PLPP4: variants seen among roughly 807,000 people sequenced by gnomAD.
The protein encoded by PLPP4 is phospholipid phosphatase 4.
In PLPP4, 20 loss-of-function variants were observed where a neutral mutation model predicts 32.2. That is an observed-to-expected ratio of 0.62 (90% CI 0.44 to 0.90). The LOEUF is 0.90. Among genes scored for constraint, PLPP4 ranks in the 40% least tolerant of loss-of-function variants. The pLI, the probability that PLPP4 is intolerant of heterozygous loss-of-function variation, is 0.00. For missense variants in PLPP4, 257 were observed against 353.1 expected (o/e 0.73, Z 2.18); for synonymous variants, 127 against 133.0 (o/e 0.95, Z 0.31).
intron 5 of PLPP4, among the ~76,000 whole-genome samples, chr10:120,535,457 T>C (rs1399830373): frequency 6.6e-6 from 1 of 152,166 alleles, no homozygotes; most frequent in Admixed American, 6.5e-5. Context: ...ATTCCATGTG[T>C]CAATTACTTA....
intron 1 of PLPP4, among the ~76,000 whole-genome samples, chr10:120,472,370 G>T (rs182724843): frequency 1.3e-5 from 2 of 151,858 alleles, no homozygotes; most frequent in African/African-American, 2.4e-5. Context: ...TAGAATTTTC[G>T]GTTGACAGTC....
chr10:120,576,726 G>T (rs755938), intron 6 of PLPP4, among the ~76,000 whole-genome samples: 2,576 of 152,272 alleles, frequency 0.017, 82 homozygotes, highest in African/African-American at 0.06. Flanking sequence ...GTCAGAAGAG[G>T]GTCACAGGTC....
chr10:120,510,158 A>G (rs1417603649), intron 2 of PLPP4, among the ~76,000 whole-genome samples: 1 of 152,200 alleles, frequency 6.6e-6, no homozygotes, highest in Non-Finnish European at 1.5e-5. Flanking sequence ...AGTTCTCAGT[A>G]CACGTTAGCC....
intron 3 of PLPP4, among the ~76,000 whole-genome samples, chr10:120,514,730 A>G (rs1472628801): frequency 1.3e-5 from 2 of 152,208 alleles, no homozygotes; most frequent in Admixed American, 1.3e-4. Flanking sequence ...TTTAGCAAAC[A>G]AAATAAACTA....
At chr10:120,579,023 G>C in intron 6 of PLPP4, among the ~76,000 whole-genome samples, 1 of 152,154 alleles carries the variant, frequency 6.6e-6, no homozygotes, top group Non-Finnish European at 1.5e-5. Context: ...ACTGACTCCT[G>C]CCTCTATTCA....
chr10:120,573,667 C>A (rs1409206349), intron 5 of PLPP4, among the ~76,000 whole-genome samples: 1 of 152,178 alleles, frequency 6.6e-6, no homozygotes, highest in Admixed American at 6.5e-5. Flanking sequence ...AGAAAATCTT[C>A]TAGATTTCCC....
At chr10:120,546,268 G>C (rs1162863206) in intron 5 of PLPP4, among the ~76,000 whole-genome samples, 1 of 152,046 alleles carries the variant, frequency 6.6e-6, no homozygotes, top group East Asian at 1.9e-4. Flanking sequence ...AGAGAACCCT[G>C]ACTCACACAA....
At chr10:120,584,359 A>G (rs1457880439) in intron 6 of PLPP4, among the ~76,000 whole-genome samples, 1 of 152,098 alleles carries the variant, frequency 6.6e-6, no homozygotes, top group Non-Finnish European at 1.5e-5. Context: ...TACGGCTGTC[A>G]TTGTTTAGTG....
chr10:120,534,385 C>A (rs2133944259), intron 5 of PLPP4, among the ~76,000 whole-genome samples: 2 of 152,134 alleles, frequency 1.3e-5, no homozygotes. Flanking sequence ...CCTTCTTTGG[C>A]ATTCCTCATT....
chr10:120,582,772 TTCCTCCCTCCCTCCCTC>T, intron 6 of PLPP4, among the ~76,000 whole-genome samples: 1 of 28,518 alleles, frequency 3.5e-5, no homozygotes, highest in African/African-American at 1.3e-4. Flanking sequence ...CCTCCCTCCC[TTCCTCCCTCCCTCCCTC>T]CCTCCCTCCC....
At chr10:120,549,966 A>G (rs955147984) in intron 5 of PLPP4, among the ~76,000 whole-genome samples, 2 of 151,966 alleles carry the variant, frequency 1.3e-5, no homozygotes, top group African/African-American at 4.8e-5. Flanking sequence ...TCTATTCACA[A>G]TTTTAGTGGT....
At chr10:120,570,270 T>C (rs551952441) in intron 5 of PLPP4, among the ~76,000 whole-genome samples, 4 of 152,140 alleles carry the variant, frequency 2.6e-5, no homozygotes, top group South Asian at 2.1e-4. Flanking sequence ...ACATCCTTTT[T>C]TTCAAATGGT....
chr10:120,459,453 A>G (rs975860153), intron 1 of PLPP4, among the ~76,000 whole-genome samples: 1 of 152,234 alleles, frequency 6.6e-6, no homozygotes, highest in Non-Finnish European at 1.5e-5. Context: ...ATGCAGAAAC[A>G]GATGACCCTT....
chr10:120,477,621 C>CA (rs1346851334), intron 1 of PLPP4, among the ~76,000 whole-genome samples: 1 of 152,118 alleles, frequency 6.6e-6, no homozygotes, highest in Non-Finnish European at 1.5e-5. Flanking sequence ...GAATCAGTGT[C>CA]AGAGAGAAAG....
chr10:120,556,945 T>A (rs1848189295), intron 5 of PLPP4, among the ~76,000 whole-genome samples: 1 of 152,188 alleles, frequency 6.6e-6, no homozygotes, highest in Admixed American at 6.5e-5. Flanking sequence ...GATGTTGCAG[T>A]CAGTGAAGAG....
At position 120,582,773 on chromosome 10, in the gene PLPP4, TCCTC is replaced by T. The variant is rs1197574182; in HGVS notation, c.617-6502_617-6499del. Among the ~76,000 whole-genome samples the T allele has an allele frequency of 9.1e-4, 44 of 48,398 alleles. 1 individual carries two copies. Among genetic ancestry groups the T allele is most frequent in the South Asian group, 3.0e-3 (2 of 674 alleles). 31.8% of individuals were successfully genotyped at this position (48,398 alleles called of 152,430 possible). ...ATATTCCCTCCCTCCCTCCCTCCCTTCCTCCCTCCCTCCCTCCCTCCCTCCCTCC... is the reference window on the plus strand; with the variant it reads ...ATATTCCCTCCCTCCCTCCCTCCCTTCCTCCCTCCCTCCCTCCCTCCCTCC... On this transcript the variant is annotated intron_variant, in intron 6 of 6. Coordinates refer to ENST00000398250, the MANE Select transcript of PLPP4 (RefSeq NM_001030059.3).
chr10:120,521,415 G>A (rs576774136), intron 5 of PLPP4, among the ~76,000 whole-genome samples: 2 of 152,228 alleles, frequency 1.3e-5, no homozygotes, highest in South Asian at 4.2e-4. Context: ...CCATTGTTTA[G>A]GTCATTGTTC....
chr10:120,457,632 G>T (rs1210574434), intron 1 of PLPP4, among the ~76,000 whole-genome samples: 2 of 152,148 alleles, frequency 1.3e-5, no homozygotes, highest in East Asian at 3.9e-4. Flanking sequence ...CGCCAGCCCC[G>T]CACCACCTGC....
Position 120,499,172 on chromosome 10 carries a change from G to A in PLPP4, c.57-4646G>A, listed in dbSNP as rs141131154. ...GCCTTTTCTTGAAAAACTCAAGGAC[G>A]TCTGTCATTATGCTGGCCAGGAATA... On this transcript the variant is annotated intron_variant, in intron 1 of 6. Coordinates refer to ENST00000398250, the MANE Select transcript of PLPP4 (RefSeq NM_001030059.3). Among the ~76,000 whole-genome samples the A allele has an allele frequency of 4.1e-3, 628 of 152,272 alleles. 1 individual carries two copies. Among genetic ancestry groups the A allele is most frequent in the Non-Finnish European group, 7.2e-3 (487 of 68,024 alleles).
Sources: gnomAD v4.1 joint callset for allele counts (sites outside exome capture counted in the v4.1 genomes callset) on GRCh38, gnomAD v4.1.1 for gene constraint, MANE v1.5 for transcripts, NCBI Gene and HGNC (gene_info 2026-07-23, HGNC 2026-07-21) for gene names.